The following ANK2 variants were observed in gnomAD, a reference collection of about 807,000 sequenced individuals.
The protein encoded by ANK2 is ankyrin 2, also known as ankyrin-2.
In ANK2, 83 loss-of-function variants were observed where a neutral mutation model predicts 360.5. The ratio of observed to expected loss-of-function variants is 0.23; its 90% CI spans 0.19 to 0.28. The LOEUF (loss-of-function observed/expected upper bound fraction) is 0.28. Ranked by LOEUF, ANK2 falls within the 10% of genes least tolerant of loss-of-function variation. The probability of loss-of-function intolerance (pLI) is 1.00; values close to 1 mark genes in which losing one functional copy is unlikely to be tolerated. For synonymous variants in ANK2, 1,740 were observed against 1,759.5 expected (o/e 0.99, Z 0.28); for missense variants, 4,201 against 4,795.7 (o/e 0.88, Z 3.66).
intron 26 of ANK2, among the ~76,000 whole-genome samples, chr4:113,326,114 T>A (rs529479801): frequency 3.9e-5 from 6 of 152,216 alleles, no homozygotes; most frequent in Admixed American, 2.0e-4. Context: ...TTCCCTGTGG[T>A]ACATAAAAGT....
chr4:112,993,451 C>T (rs190135048), intron 2 of ANK2, among the ~76,000 whole-genome samples: 87 of 151,302 alleles, frequency 5.8e-4, no homozygotes, highest in East Asian at 2.6e-3. Context: ...ACAGGTAGCC[C>T]GCCACCATGC....
intron 18 of ANK2, among the ~76,000 whole-genome samples, chr4:113,283,509 C>G (rs2063218133): frequency 6.6e-6 from 1 of 152,030 alleles, no homozygotes; most frequent in South Asian, 2.1e-4. Context: ...CAGGGACTGG[C>G]CTCTATAGAC....
chr4:113,062,120 G>A (rs1224684037), intron 1 of ANK2, among the ~76,000 whole-genome samples: 1 of 152,052 alleles, frequency 6.6e-6, no homozygotes, highest in South Asian at 2.1e-4. Flanking sequence ...ACAGGGTTTG[G>A]ATTCTTGTCT....
the ANK2 span, among the ~76,000 whole-genome samples, chr4:112,777,687 G>C: frequency 6.9e-6 from 1 of 144,368 alleles, no homozygotes; most frequent in African/African-American, 2.6e-5. Flanking sequence ...GCACGATCTC[G>C]GCTCACTGCA....
the ANK2 span, among the ~76,000 whole-genome samples, chr4:112,740,922 A>G: frequency 6.6e-6 from 1 of 151,904 alleles, no homozygotes; most frequent in African/African-American, 2.4e-5. Context: ...CCCGGGAGGC[A>G]GAGGTTGCAG....
intron 23 of ANK2, among the ~76,000 whole-genome samples, chr4:113,305,042 T>G (rs2076559641): frequency 6.6e-6 from 1 of 152,128 alleles, no homozygotes; most frequent in South Asian, 2.1e-4. Flanking sequence ...TAAACGAAAT[T>G]TATAAAAAAT....
chr4:113,259,772 TC>T (rs1189810660), intron 13 of ANK2, among the ~76,000 whole-genome samples: 361 of 148,934 alleles, frequency 2.4e-3, no homozygotes, highest in African/African-American at 8.2e-3. Flanking sequence ...GTAATCATCA[TC>T]CCCCCCCTTT....
At chr4:113,363,526 C>T (rs2096357727) in intron 40 of ANK2, 57 bp downstream of exon 40, 1 of 1,601,028 alleles carries the variant, frequency 6.2e-7, no homozygotes, top group Admixed American at 1.7e-5. Context: ...TGCTCAACAA[C>T]CGCATCTTGC....
At chr4:112,793,261 A>G in the ANK2 span, among the ~76,000 whole-genome samples, 6 of 152,162 alleles carry the variant, frequency 3.9e-5, no homozygotes, top group Admixed American at 2.0e-4. Flanking sequence ...ACATGCACCT[A>G]TGTATGTAAC....
At chr4:113,229,764 G>T (rs1199347850) in intron 4 of ANK2, among the ~76,000 whole-genome samples, 2 of 152,100 alleles carry the variant, frequency 1.3e-5, no homozygotes, top group Non-Finnish European at 2.9e-5. Context: ...TAAAGCTCAG[G>T]ACCCAGGGCA....
rs748934954 is a variant in ANK2 at position 113,335,865 on chromosome 4, C to T, written c.3399C>T (p.Asp1133=). The T allele has an allele frequency of 6.2e-7, 1 of 1,614,120 alleles. No individual in the cohort carries two copies. Among genetic ancestry groups the T allele is most frequent in the Non-Finnish European group, 8.5e-7 (1 of 1,179,996 alleles). ...TCTTAGTACTGGATAGCCCAGAAGACCTAGAAAAGAAACGAATCTGCCGCA... is the reference window on the plus strand; with the variant it reads ...TCTTAGTACTGGATAGCCCAGAAGATCTAGAAAAGAAACGAATCTGCCGCA... ...GMDEVLDSPE[D]LEKKRICRII... is the part of the protein sequence containing the mutation. The change falls in exon 30 of 46, where the codon GAC becomes GAT. Residue 1133 remains aspartate, a synonymous_variant. Transcript: ENST00000357077.
chr4:112,734,456 G>T, the ANK2 span, among the ~76,000 whole-genome samples: 1 of 152,182 alleles, frequency 6.6e-6, no homozygotes. Flanking sequence ...CCTGTGTCCA[G>T]AGTCATTAAT....
intron 1 of ANK2, among the ~76,000 whole-genome samples, chr4:113,107,628 G>A (rs1172390005): frequency 6.6e-6 from 1 of 152,164 alleles, no homozygotes; most frequent in Non-Finnish European, 1.5e-5. Flanking sequence ...CTCTGGGGAT[G>A]AGTCTATCTA....
the ANK2 span, among the ~76,000 whole-genome samples, chr4:112,724,249 G>A: frequency 2.0e-5 from 3 of 151,892 alleles, no homozygotes; most frequent in African/African-American, 4.8e-5. Flanking sequence ...ATTTTTTGTA[G>A]AGACAGTGTC....
rs35505334 is a variant in ANK2, at chr4:112,991,619, C to CTTT, written c.21+87119_21+87121dup. 1.3e-3 allele frequency among the ~76,000 whole-genome samples: 169 copies of CTTT among 125,818 alleles called. 1 individual carries two copies. The highest frequency in any genetic ancestry group is 3.2e-3 in the Admixed American group (37 of 11,534). 82.5% of individuals were successfully genotyped at this position (125,818 alleles called of 152,430 possible). A position where few individuals can be genotyped will look rare whatever the true frequency, so the allele number is the denominator to read the frequency against. On this transcript the variant is annotated intron_variant, in intron 2 of 30. Transcript: ENST00000503271. Reference sequence around the variant, plus strand: ...TTTTTTTCTTTTCTTTTCTTTCTTTCTTTTTTTTTTTTTTTTGCAATATGG... The same window carrying CTTT: ...TTTTTTTCTTTTCTTTTCTTTCTTTCTTTTTTTTTTTTTTTTTTTGCAATATGG...
Position 113,381,560 on chromosome 4 carries a change from G to C in ANK2, c.*89G>C. 3.1e-6 allele frequency: 5 copies of C among 1,610,872 alleles called. No homozygotes were observed. Among genetic ancestry groups the C allele is most frequent in the African/African-American group, 1.3e-5 (1 of 74,986 alleles). On this transcript the variant is annotated 3_prime_UTR_variant, in exon 46 of 46. Transcript: ENST00000357077. ...CCTGGAGGATGTACCAGAAGCACTA[G>C]ACCAGGACGACCTCCAGCGCGATCT...
At chr4:113,051,808 T>C (rs563291632) in intron 1 of ANK2, among the ~76,000 whole-genome samples, 1 of 152,312 alleles carries the variant, frequency 6.6e-6, no homozygotes, top group South Asian at 2.1e-4. Context: ...ATGAGAATAA[T>C]TATATATAGA....
At chr4:113,257,997 G>C (rs748168678) in intron 11 of ANK2, 53 bp from the exon 12 acceptor site, 338 of 1,466,440 alleles carry the variant, frequency 2.3e-4, no homozygotes, top group Non-Finnish European at 3.1e-4. Flanking sequence ...GCATGGAGTT[G>C]TGTGAGAATT....
intron 1 of ANK2, among the ~76,000 whole-genome samples, chr4:113,143,484 C>A (rs913580402): frequency 6.6e-6 from 1 of 152,046 alleles, no homozygotes; most frequent in East Asian, 1.9e-4. Flanking sequence ...AGTGAGGAGG[C>A]TAGAGATAAT....
Sources: allele counts gnomAD v4.1 joint callset (sites outside exome capture counted in the v4.1 genomes callset), GRCh38; gene constraint gnomAD v4.1.1; transcripts MANE v1.5; gene names NCBI Gene and HGNC (gene_info 2026-07-23, HGNC 2026-07-21).